DNALI1: variants seen among roughly 807,000 people sequenced by gnomAD.
DNALI1 encodes the protein axonemal dynein light intermediate polypeptide 1.
Under a neutral mutation model 33.9 loss-of-function variants are expected in DNALI1, and 31 were observed. The observed-to-expected ratio is 0.91, with a 90% CI of 0.69 to 1.23. The LOEUF is 1.23. Ranked by LOEUF, DNALI1 falls within the 50% of genes most tolerant of loss-of-function variation. The probability of loss-of-function intolerance (pLI) is 0.00; values close to 1 mark genes in which losing one functional copy is unlikely to be tolerated. For synonymous variants in DNALI1, 117 were observed against 129.2 expected, an observed-to-expected ratio of 0.91 and a Z score of 0.64; for missense variants, 305 against 323.8, an observed-to-expected ratio of 0.94 and a Z score of 0.44.
In DNALI1 at chr1:37,565,144, G is replaced by A; in HGVS notation, c.*83G>A. ...CTGGCAGCCAATAAAATCATCATAA[G>A]CCCTTTGTAATAAAAAGCTAGTTTC... On this transcript the variant is annotated 3_prime_UTR_variant, in exon 6 of 6. Transcript: ENST00000652629. 4 of 1,521,594 alleles carry A rather than the reference G, an allele frequency of 2.6e-6. No individual in the cohort carries two copies. Among genetic ancestry groups the A allele is most frequent in the East Asian group, 2.3e-5 (1 of 44,400 alleles). The allele number at this position is 1,521,594 out of a possible 1,614,324, so 94.3% of individuals were successfully genotyped here.
chr1:37,561,741 T>A lies in DNALI1; in HGVS notation c.576+6T>A. Reference sequence around the variant, plus strand: ...AGTCAGACATGGAGAGGAAAGTGAGTGGGGTTTACCGTGACCCTTGGTCCC... The same window carrying A: ...AGTCAGACATGGAGAGGAAAGTGAGAGGGGTTTACCGTGACCCTTGGTCCC... On this transcript the variant is annotated splice_donor_region_variant and intron_variant, in intron 4 of 5. Coordinates refer to ENST00000652629, the MANE Select transcript of DNALI1 (RefSeq NM_003462.5). The surrounding 1 kb of genome is among the most constrained non-coding windows in gnomAD (Gnocchi z 4.6). The A allele has an allele frequency of 4.3e-6, 7 of 1,612,608 alleles. No individual in the cohort carries two copies. The highest frequency in any genetic ancestry group is 5.9e-6 in the Non-Finnish European group (7 of 1,179,116).
chr1:37,557,133 A>G lies in DNALI1; in HGVS notation c.81+58A>G, dbSNP rs1004343379. The stretch of plus-strand genomic sequence containing the variant: ...TCGAAACTCCGATAGGGAAAGACAC[A>G]TTCCCGCATGGAGGGTCAGGAATCT... On this transcript the variant is annotated intron_variant, in intron 1 of 5. Transcript: ENST00000652629. The G allele has an allele frequency of 5.6e-6, 9 of 1,609,422 alleles. No homozygotes were observed. The Middle Eastern group carries it at 5.0e-4, about 89-fold the overall frequency.
At position 37,561,450 on chromosome 1, in the gene DNALI1, C is replaced by T. The variant is rs975736134; in HGVS notation, c.398-107C>T. ...TGAGGCCTTGCACTTTGTCTCCAAG[C>T]GAGAACACCCTAATGTCCTTCCCAA... is the stretch of plus-strand genomic sequence containing the variant. On this transcript the variant is annotated intron_variant, in intron 3 of 5. Transcript: ENST00000652629. This position sits in a 1 kb window ranked among gnomAD's most constrained non-coding sequence, Gnocchi z 4.6. 14 of 1,406,390 alleles carry T rather than the reference C, an allele frequency of 1.0e-5. No homozygotes were observed. Among genetic ancestry groups the T allele is most frequent in the East Asian group, 2.5e-5 (1 of 40,212 alleles). The allele number at this position is 1,406,390 out of a possible 1,614,324, so 87.1% of individuals were successfully genotyped here.
At chr1:37,557,421 T>C (rs1341352546) in intron 1 of DNALI1, among the ~76,000 whole-genome samples, 182 bp from the exon 2 acceptor site, 6 of 152,088 alleles carry the variant, frequency 3.9e-5, no homozygotes, top group Non-Finnish European at 8.8e-5. Flanking sequence ...AAGCATTGAG[T>C]TGGGGCCAGA....
rs541698890 is a variant in DNALI1, at chr1:37,563,221, G to A, written c.741+976G>A. 7.9e-5 allele frequency among the ~76,000 whole-genome samples: 12 copies of A among 152,312 alleles called. No individual in the cohort carries two copies. In the South Asian group the frequency reaches 1.2e-3, roughly 16 times the overall value. ...CACACCAGCAGGACTGGCCATTTGCGATAAAGAAGGCTTTCTGTTAACCAC... is the reference window on the plus strand; with the variant it reads ...CACACCAGCAGGACTGGCCATTTGCAATAAAGAAGGCTTTCTGTTAACCAC... On this transcript the variant is annotated intron_variant, in intron 5 of 5. Transcript: ENST00000652629.
chr1:37,559,728 G>A lies in DNALI1; in HGVS notation c.397+232G>A, dbSNP rs1398307030. Among the ~76,000 whole-genome samples the A allele has an allele frequency of 2.0e-5, 3 of 152,214 alleles. No individual in the cohort carries two copies. The highest frequency in any genetic ancestry group is 1.3e-4 in the Admixed American group (2 of 15,286). ...GGGTATTTCTCCTCAGGCAGGAGGA[G>A]AGACTAAGAAAAGAAATAAGACACA... On this transcript the variant is annotated intron_variant, in intron 3 of 5. Coordinates refer to ENST00000652629, the MANE Select transcript of DNALI1 (RefSeq NM_003462.5). This position sits in a 1 kb window ranked among gnomAD's most constrained non-coding sequence, Gnocchi z 5.3.
Position 37,561,478 on chromosome 1 carries a change from G to A in DNALI1, c.398-79G>A. The A allele has an allele frequency of 6.6e-7, 1 of 1,523,578 alleles. No homozygotes were observed. The highest frequency in any genetic ancestry group is 8.9e-7 in the Non-Finnish European group (1 of 1,121,876). The allele number at this position is 1,523,578 out of a possible 1,614,324, so 94.4% of individuals were successfully genotyped here. On this transcript the variant is annotated intron_variant, in intron 3 of 5. Transcript: ENST00000652629. This position sits in a 1 kb window ranked among gnomAD's most constrained non-coding sequence, Gnocchi z 4.6. ...GAACACCCTAATGTCCTTCCCAAGA[G>A]GAAGGGTGTTTGCAGTAGACATACT...
Position 37,557,659 on chromosome 1 carries a change from G to A in DNALI1, c.138G>A (p.Gln46=). The change falls in exon 2 of 6, where the codon CAG becomes CAA. Residue 46 remains glutamine (Q), a synonymous_variant. Coordinates refer to ENST00000652629, the MANE Select transcript of DNALI1 (RefSeq NM_003462.5). ...CTGGACCTTCAGGTTCAGCCCCACA[G>A]CCACCCAAGACCAAGCTCCCCTCAA... ...QQPGPSGSAP[Q]PPKTKLPSTP... 6.2e-7 allele frequency: 1 copy of A among 1,614,070 alleles called. No individual in the cohort carries two copies. Among genetic ancestry groups the A allele is most frequent in the Non-Finnish European group, 8.5e-7 (1 of 1,179,988 alleles).
intron 2 of DNALI1, among the ~76,000 whole-genome samples, chr1:37,558,636 G>A (rs1205993828): frequency 6.6e-6 from 1 of 151,732 alleles, no homozygotes; most frequent in African/African-American, 2.4e-5. Context: ...CCTACCACAG[G>A]GCCCTGACAG....
In DNALI1 at chr1:37,559,031, A is replaced by G. The variant is rs1043318967; in HGVS notation, c.228-296A>G. On this transcript the variant is annotated intron_variant, in intron 2 of 5. Transcript: ENST00000652629. This position sits in a 1 kb window ranked among gnomAD's most constrained non-coding sequence, Gnocchi z 5.3. ...TGTTCACATCAAGCAACAACCATAA[A>G]TCGGTCTTCAGCATGTTAGGAGGGT... Among the ~76,000 whole-genome samples the G allele has an allele frequency of 6.6e-6, 1 of 152,166 alleles. No individual in the cohort carries two copies. Among genetic ancestry groups the G allele is most frequent in the African/African-American group, 2.4e-5 (1 of 41,440 alleles).
chr1:37,563,303 G>A (rs1478636540), intron 5 of DNALI1, among the ~76,000 whole-genome samples: 1 of 152,208 alleles, frequency 6.6e-6, no homozygotes, highest in African/African-American at 2.4e-5. Context: ...AGCCAGAGAT[G>A]AATCTGTTTC....
intron 2 of DNALI1, 64 bp downstream of exon 2, chr1:37,557,812 G>A: frequency 6.3e-7 from 1 of 1,598,760 alleles, no homozygotes; most frequent in Non-Finnish European, 8.5e-7. Context: ...TTTTGGGAGT[G>A]TGGGGGGAGG....
chr1:37,559,869 A>G lies in DNALI1; in HGVS notation c.397+373A>G, dbSNP rs1029229977. Among the ~76,000 whole-genome samples, 1 of 152,198 alleles carries G rather than the reference A, an allele frequency of 6.6e-6. No individual in the cohort carries two copies. The highest frequency in any genetic ancestry group is 1.5e-5 in the Non-Finnish European group (1 of 68,042). On this transcript the variant is annotated intron_variant, in intron 3 of 5. Transcript: ENST00000652629. The surrounding 1 kb of genome is among the most constrained non-coding windows in gnomAD (Gnocchi z 5.3). ...GTATTTATTGATTACTATTTTCACT[A>G]TCTCAGCAAGAGGAATGTGGCAGGA...
Position 37,561,202 on chromosome 1 carries a change from C to CTTTAAACAGAAAAAGTCAGGTTT in DNALI1, c.398-351_398-329dup, listed in dbSNP as rs1166767664. On this transcript the variant is annotated intron_variant, in intron 3 of 5. Coordinates refer to ENST00000652629, the MANE Select transcript of DNALI1 (RefSeq NM_003462.5). This position sits in a 1 kb window ranked among gnomAD's most constrained non-coding sequence, Gnocchi z 4.6. ...CCAGCTGCTTTAAAACAGCTGCCAT[C>CTTTAAACAGAAAAAGTCAGGTTT]TTTAAACAGAAAAAGTCAGGTTTTT... 73 of 226,072 alleles carry CTTTAAACAGAAAAAGTCAGGTTT rather than the reference C, an allele frequency of 3.2e-4. No individual in the cohort carries two copies. Among genetic ancestry groups the CTTTAAACAGAAAAAGTCAGGTTT allele is most frequent in the Non-Finnish European group, 7.2e-5 (8 of 111,754 alleles). 14.0% of individuals were successfully genotyped at this position (226,072 alleles called of 1,614,324 possible).
rs1218095139 is a variant in DNALI1, at chr1:37,561,688, A to C, written c.529A>C (p.Arg177=). Reference sequence around the variant, plus strand: ...CGAGAGCAGCGTGGCGTTTGGCATGAGGAAGGCACTGCAGGCTGAGCAGGG... The same window carrying C: ...CGAGAGCAGCGTGGCGTTTGGCATGCGGAAGGCACTGCAGGCTGAGCAGGG... ...LYESSVAFGM[R]KALQAEQGKS... Residue 177 remains arginine, a synonymous_variant, in exon 4 of 6, where the codon AGG becomes CGG. Coordinates refer to ENST00000652629, the MANE Select transcript of DNALI1 (RefSeq NM_003462.5). This position sits in a 1 kb window ranked among gnomAD's most constrained non-coding sequence, Gnocchi z 4.6. 1 of 1,614,020 alleles carries C rather than the reference A, an allele frequency of 6.2e-7. No individual in the cohort carries two copies. The highest frequency in any genetic ancestry group is 8.5e-7 in the Non-Finnish European group (1 of 1,180,014).
In DNALI1 at chr1:37,556,944, A is replaced by T. The variant is rs778572447; in HGVS notation, c.-51A>T. 1 of 1,614,070 alleles carries T rather than the reference A, an allele frequency of 6.2e-7. No individual in the cohort carries two copies. Among genetic ancestry groups the T allele is most frequent in the Non-Finnish European group, 8.5e-7 (1 of 1,180,038 alleles). ...GGCGGTTTCCATGGTGACGGCAAAC[A>T]AGGCCCACACTGGACAGGGCAGCTG... On this transcript the variant is annotated 5_prime_UTR_variant, in exon 1 of 6. Coordinates refer to ENST00000652629, the MANE Select transcript of DNALI1 (RefSeq NM_003462.5).
intron 2 of DNALI1, 174 bp downstream of exon 2, chr1:37,557,922 C>CA: frequency 1.2e-6 from 1 of 804,782 alleles, no homozygotes; most frequent in Non-Finnish European, 1.9e-6. Context: ...GAGACCTCTT[C>CA]TCAATCTACC....
rs1223809225 is a variant in DNALI1 at position 37,561,025 on chromosome 1, C to T, written c.398-532C>T. 2 of 153,142 alleles carry T rather than the reference C, an allele frequency of 1.3e-5. No homozygotes were observed. The highest frequency in any genetic ancestry group is 4.8e-5 in the African/African-American group (2 of 41,436). 9.5% of individuals were successfully genotyped at this position (153,142 alleles called of 1,614,324 possible). ...GCCGATCTGCAAACCACCTCCAAAC[C>T]CTCAGGCAGCTGCAGGGTCTAGCAG... On this transcript the variant is annotated intron_variant, in intron 3 of 5. Coordinates refer to ENST00000652629, the MANE Select transcript of DNALI1 (RefSeq NM_003462.5). This position sits in a 1 kb window ranked among gnomAD's most constrained non-coding sequence, Gnocchi z 4.6.
In DNALI1 at chr1:37,561,846, T is replaced by TCA; in HGVS notation, c.576+113_576+114dup. The TCA allele has an allele frequency of 6.9e-7, 1 of 1,439,742 alleles. No homozygotes were observed. Among genetic ancestry groups the TCA allele is most frequent in the Non-Finnish European group, 9.4e-7 (1 of 1,067,098 alleles). 89.2% of individuals were successfully genotyped at this position (1,439,742 alleles called of 1,614,324 possible). A position where few individuals can be genotyped will look rare whatever the true frequency, so the allele number is the denominator to read the frequency against. ...ACCTCCTAAGGTGCTCTGCTGACAG[T>TCA]CACGACACCTGGACTTGCATCACCT... On this transcript the variant is annotated intron_variant, in intron 4 of 5. Transcript: ENST00000652629. The surrounding 1 kb of genome is among the most constrained non-coding windows in gnomAD (Gnocchi z 4.6).
Sources: allele counts gnomAD v4.1 joint callset (sites outside exome capture counted in the v4.1 genomes callset), GRCh38; gene constraint gnomAD v4.1.1; non-coding constraint Gnocchi (gnomAD v3.1); transcripts MANE v1.5; gene names NCBI Gene and HGNC (gene_info 2026-07-23, HGNC 2026-07-21).